DNAH3: variants seen among roughly 807,000 people sequenced by gnomAD.
DNAH3 encodes the protein dynein axonemal heavy chain 3.
Under a neutral mutation model 432.5 loss-of-function variants are expected in DNAH3, and 332 were observed. The ratio of observed to expected loss-of-function variants is 0.77; its 90% CI spans 0.70 to 0.84. The LOEUF is 0.84. Among genes scored for constraint, DNAH3 ranks in the 40% least tolerant of loss-of-function variants. The probability of loss-of-function intolerance (pLI) is 0.00; values close to 1 mark genes in which losing one functional copy is unlikely to be tolerated. For synonymous variants in DNAH3, 1,956 were observed against 1,900.2 expected, an observed-to-expected ratio of 1.03 and a Z score of -0.76; for missense variants, 4,861 against 5,114.0, an observed-to-expected ratio of 0.95 and a Z score of 1.51.
In DNAH3 at chr16:20,936,872, T is replaced by C. The variant is rs765576804; in HGVS notation, c.11655-19A>G. The C allele has an allele frequency of 8.1e-6, 13 of 1,596,192 alleles. No individual in the cohort carries two copies. Among genetic ancestry groups the C allele is most frequent in the Non-Finnish European group, 1.1e-5 (13 of 1,170,372 alleles). Reference sequence around the variant, plus strand: ...GGTCAGCCTGCAAGAACAGAGGAGCTGGCTGAGCTGGGCTCTCCGGTGGCC... The same window carrying C: ...GGTCAGCCTGCAAGAACAGAGGAGCCGGCTGAGCTGGGCTCTCCGGTGGCC... On this transcript the variant is annotated intron_variant, in intron 59 of 61. Transcript: ENST00000261383.
intron 16 of DNAH3, among the ~76,000 whole-genome samples, chr16:21,100,123 G>C (rs2091798062): frequency 6.6e-6 from 1 of 152,104 alleles, no homozygotes; most frequent in Non-Finnish European, 1.5e-5. Flanking sequence ...TCTTTCTGGA[G>C]TGCAGTGGCA....
intron 18 of DNAH3, among the ~76,000 whole-genome samples, chr16:21,091,346 A>G (rs2091528542): frequency 6.6e-6 from 1 of 151,754 alleles, no homozygotes. Context: ...CTACTTGTCA[A>G]CTAAAAATAA....
intron 8 of DNAH3, 43 bp downstream of exon 9, chr16:21,127,644 T>C: frequency 1.2e-6 from 2 of 1,609,228 alleles, no homozygotes; most frequent in Non-Finnish European, 1.7e-6. Flanking sequence ...TTTCAGTCTT[T>C]AAGATACCAT....
At chr16:21,088,488 G>A (rs1390176862) in intron 18 of DNAH3, among the ~76,000 whole-genome samples, 1 of 152,092 alleles carries the variant, frequency 6.6e-6, no homozygotes, top group Non-Finnish European at 1.5e-5. Flanking sequence ...TTTCCCTCTG[G>A]TTATGATTAT....
rs1026628452 is a variant in DNAH3, at chr16:20,969,902, G to A, written c.8348C>T (p.Ser2783Leu). The A allele has an allele frequency of 1.2e-5, 20 of 1,614,044 alleles. No homozygotes were observed. In the Admixed American group the frequency reaches 1.3e-4, roughly 11 times the overall value. ...TGGGTTCTGCATCGACTTCACCAGC[G>A]AGATGTCGGCCGGGTTCAGGGTGTC... Residue 2783 changes from serine to leucine, a missense_variant, in exon 52 of 62, where the codon TCG (serine) becomes TTG (leucine). Coordinates refer to ENST00000261383, the Ensembl canonical transcript of DNAH3.
chr16:21,089,597 C>T (rs1254158024), intron 18 of DNAH3, among the ~76,000 whole-genome samples: 1 of 152,048 alleles, frequency 6.6e-6, no homozygotes, highest in Non-Finnish European at 1.5e-5. Flanking sequence ...AATTAAACAA[C>T]ACACTTATAA....
At chr16:20,989,725 A>G (rs1043824646) in intron 44 of DNAH3, among the ~76,000 whole-genome samples, 6 of 152,242 alleles carry the variant, frequency 3.9e-5, no homozygotes, top group Admixed American at 3.3e-4. Flanking sequence ...TGGGCCGCAC[A>G]GAGCCCATGG....
chr16:21,026,337 G>A (rs2088555026), intron 38 of DNAH3, among the ~76,000 whole-genome samples: 1 of 152,106 alleles, frequency 6.6e-6, no homozygotes, highest in African/African-American at 2.4e-5. Context: ...ATTAACGCAG[G>A]AACAGAAAAC....
In DNAH3 at chr16:20,965,476, C is replaced by T. The variant is rs760802100; in HGVS notation, c.8459-51G>A. On this transcript the variant is annotated intron_variant, in intron 52 of 61. Coordinates refer to ENST00000261383, the Ensembl canonical transcript of DNAH3. ...ATGTGTTAAGACATTCTGGCCAAGA[C>T]TTAAAATTCTGCAGTGGTTACTGCT... The T allele has an allele frequency of 2.9e-5, 41 of 1,431,812 alleles. No homozygotes were observed. In the Middle Eastern group the frequency reaches 7.1e-4, roughly 25 times the overall value. 88.7% of individuals were successfully genotyped at this position (1,431,812 alleles called of 1,614,324 possible). A position where few individuals can be genotyped will look rare whatever the true frequency, so the allele number is the denominator to read the frequency against.
intron 44 of DNAH3, among the ~76,000 whole-genome samples, chr16:20,995,626 T>C (rs1487492314): frequency 6.6e-6 from 1 of 152,174 alleles, no homozygotes; most frequent in Non-Finnish European, 1.5e-5. Context: ...CCGCCTTTTT[T>C]CCCTCTCTCT....
chr16:21,034,409 C>G (rs1383726584), intron 35 of DNAH3, among the ~76,000 whole-genome samples: 1 of 151,992 alleles, frequency 6.6e-6, no homozygotes, highest in African/African-American at 2.4e-5. Flanking sequence ...AAGACTGAGC[C>G]CAAGAGAGGT....
At chr16:20,985,523 C>T (rs749927020) in exon 48 of DNAH3, 2 of 1,614,172 alleles carry the variant, frequency 1.2e-6, no homozygotes, top group Non-Finnish European at 1.7e-6. Flanking sequence ...CTGAACATGA[C>T]CAGGGACATG....
intron 44 of DNAH3, among the ~76,000 whole-genome samples, chr16:20,994,273 T>C (rs1327159030): frequency 4.0e-5 from 6 of 151,772 alleles, no homozygotes; most frequent in Non-Finnish European, 8.8e-5. Context: ...CTACTAAAAA[T>C]ACAAAAAAAT....
chr16:21,152,273 A>G (rs2092860947), intron 1 of DNAH3, among the ~76,000 whole-genome samples: 1 of 152,184 alleles, frequency 6.6e-6, no homozygotes, highest in Non-Finnish European at 1.5e-5. Flanking sequence ...AGAGATACAT[A>G]ACTTTCCTAA....
At chr16:20,944,628 T>G (rs976448806) in exon 58 of DNAH3, 3 of 1,614,132 alleles carry the variant, frequency 1.9e-6, no homozygotes, top group Middle Eastern at 1.7e-4. Flanking sequence ...CTGGGTGGGC[T>G]GTGATGGGGA....
intron 48 of DNAH3, among the ~76,000 whole-genome samples, chr16:20,984,245 A>G (rs2086075660): frequency 6.6e-6 from 1 of 151,966 alleles, no homozygotes; most frequent in Admixed American, 6.6e-5. Flanking sequence ...GAACACAATG[A>G]TAATATTTGC....
At chr16:21,067,948 G>GT (rs905942707) in intron 23 of DNAH3, among the ~76,000 whole-genome samples, 12 of 152,014 alleles carry the variant, frequency 7.9e-5, no homozygotes, top group South Asian at 2.1e-4. Context: ...CACCCATTTG[G>GT]TCTTCTCGTT....
At chr16:21,077,206 A>G (rs1394345924) in intron 20 of DNAH3, among the ~76,000 whole-genome samples, 1 of 152,014 alleles carries the variant, frequency 6.6e-6, no homozygotes, top group African/African-American at 2.4e-5. Context: ...TGCGATGCCC[A>G]GGGTGGAGTG....
chr16:20,985,404 C>T lies in DNAH3; in HGVS notation c.7338G>A (p.Leu2446=), dbSNP rs766705198. ...GCTCGTATGCGTTCATGAATGTGGA[C>T]AGTTTGGCGGCACTTTGCCGCCCGC... The change falls in exon 48 of 62, where the codon CTG becomes CTA. Residue 2446 remains leucine, a synonymous_variant. Transcript: ENST00000261383. 11 of 1,614,030 alleles carry T rather than the reference C, an allele frequency of 6.8e-6. No homozygotes were observed. In the Admixed American group the frequency reaches 1.8e-4, roughly 27 times the overall value.
Sources: allele counts gnomAD v4.1 joint callset (sites outside exome capture counted in the v4.1 genomes callset), GRCh38; gene constraint gnomAD v4.1.1; transcripts MANE v1.5; gene names NCBI Gene and HGNC (gene_info 2026-07-23, HGNC 2026-07-21).